ZNF678: variants seen among roughly 807,000 people sequenced by gnomAD.
ZNF678 encodes the protein hypothetical protein MGC42493.
In ZNF678, 5 loss-of-function variants were observed where a neutral mutation model predicts 3.0. That is an observed-to-expected ratio of 1.69 (90% CI 0.88 to 3.56). The LOEUF (loss-of-function observed/expected upper bound fraction) is 3.56. ZNF678 is among the 30% of genes most tolerant of loss of function. The pLI, the probability that ZNF678 is intolerant of heterozygous loss-of-function variation, is 0.00. For synonymous variants in ZNF678, 218 were observed against 199.6 expected (o/e 1.09, Z -0.78); for missense variants, 593 against 605.0 (o/e 0.98, Z 0.21).
chr1:227,619,810 A>G (rs1367090379), intron 1 of ZNF678, among the ~76,000 whole-genome samples: 1 of 152,212 alleles, frequency 6.6e-6, no homozygotes, highest in Non-Finnish European at 1.5e-5. Context: ...TTTTGCAATC[A>G]GACCTTGGTG....
chr1:227,624,309 C>A (rs953417094), intron 1 of ZNF678, among the ~76,000 whole-genome samples: 8 of 152,178 alleles, frequency 5.3e-5, no homozygotes, highest in Non-Finnish European at 1.5e-5. Flanking sequence ...CTGATGATCC[C>A]TCCACAAAGA....
At chr1:227,625,803 C>G (rs1658397986) in intron 1 of ZNF678, among the ~76,000 whole-genome samples, 1 of 152,114 alleles carries the variant, frequency 6.6e-6, no homozygotes, top group Non-Finnish European at 1.5e-5. Flanking sequence ...CTTGCCTGAT[C>G]TTGAACTCCA....
rs1659252090 is a variant in ZNF678, at chr1:227,656,438, ATAT to A, written c.*612_*614del. On this transcript the variant is annotated 3_prime_UTR_variant, in exon 4 of 4. Coordinates refer to ENST00000343776, the MANE Select transcript of ZNF678 (RefSeq NM_001367909.1). ...TTTATATTTTTGATTATATATTTTA[ATAT>A]TGATATAATTCATATCTCAAATAAC... is the stretch of plus-strand genomic sequence containing the variant. 6.6e-6 allele frequency: 1 copy of A among 151,786 alleles called. No individual in the cohort carries two copies. The highest frequency in any genetic ancestry group is 2.4e-5 in the African/African-American group (1 of 41,400). 9.4% of individuals were successfully genotyped at this position (151,786 alleles called of 1,614,324 possible). A position where few individuals can be genotyped will look rare whatever the true frequency, so the allele number is the denominator to read the frequency against.
At chr1:227,643,250 G>A (rs939637945) in intron 1 of ZNF678, among the ~76,000 whole-genome samples, 3 of 152,010 alleles carry the variant, frequency 2.0e-5, no homozygotes, top group Admixed American at 6.6e-5. Context: ...ACCTTCTTAG[G>A]AATAAAATAT....
chr1:227,653,295 C>T (rs1342033825), intron 3 of ZNF678, among the ~76,000 whole-genome samples: 2 of 151,460 alleles, frequency 1.3e-5, no homozygotes, highest in African/African-American at 4.9e-5. Flanking sequence ...ATAAACATTT[C>T]TGTTATTTTC....
chr1:227,666,571 T>G (rs1285148499), downstream of ZNF678, among the ~76,000 whole-genome samples: 1 of 152,118 alleles, frequency 6.6e-6, no homozygotes, highest in Admixed American at 6.5e-5. Flanking sequence ...AGTATTTTTC[T>G]AAGTTTCTTA....
At chr1:227,599,639 T>G (rs4653857) in intron 1 of ZNF678, among the ~76,000 whole-genome samples, 4 of 152,170 alleles carry the variant, frequency 2.6e-5, no homozygotes, top group African/African-American at 9.7e-5. Context: ...TATGCCATAG[T>G]AGTTGCTATT....
At chr1:227,585,072 G>A (rs1000947591) in intron 1 of ZNF678, among the ~76,000 whole-genome samples, 1 of 152,172 alleles carries the variant, frequency 6.6e-6, no homozygotes, top group African/African-American at 2.4e-5. Context: ...GCTTGATAAA[G>A]AAGAGACAAA....
chr1:227,579,256 A>C (rs1244712616), intron 1 of ZNF678, among the ~76,000 whole-genome samples: 1 of 151,898 alleles, frequency 6.6e-6, no homozygotes, highest in East Asian at 1.9e-4. Context: ...CCTGTTGCAG[A>C]GTGTGTGTGC....
intron 5 of ZNF678, among the ~76,000 whole-genome samples, chr1:227,669,664 C>T (rs1411813831): frequency 6.7e-6 from 1 of 149,076 alleles, no homozygotes; most frequent in Non-Finnish European, 1.5e-5. Flanking sequence ...AAAAAAATAC[C>T]ATCTCCCACC....
chr1:227,620,352 T>TA (rs1439960626), intron 1 of ZNF678, among the ~76,000 whole-genome samples: 1 of 152,188 alleles, frequency 6.6e-6, no homozygotes, highest in Non-Finnish European at 1.5e-5. Context: ...ATATTCCACT[T>TA]ACATTGTGCT....
At chr1:227,565,532 A>ATT (rs145669668) in intron 1 of ZNF678, among the ~76,000 whole-genome samples, 2 of 105,562 alleles carry the variant, frequency 1.9e-5, no homozygotes, top group African/African-American at 5.7e-5. Context: ...AATTCTTTTT[A>ATT]TTTTATTTTT....
At chr1:227,628,634 C>G (rs1340760426) in intron 1 of ZNF678, among the ~76,000 whole-genome samples, 8 of 152,234 alleles carry the variant, frequency 5.3e-5, no homozygotes, top group African/African-American at 1.9e-4. Context: ...AGTATTTAAC[C>G]TGCTGTAAGC....
Position 227,661,873 on chromosome 1 carries a change from C to T in ZNF678, c.*6045C>T, listed in dbSNP as rs1659414650. ...GGAACCCACCAGGATCTCCCTTCTC[C>T]CTAGCCTGGTGGTCCACATCATGCA... On this transcript the variant is annotated 3_prime_UTR_variant, in exon 4 of 4. Transcript: ENST00000343776. The T allele has an allele frequency of 6.6e-6, 1 of 152,194 alleles. No homozygotes were observed. Among genetic ancestry groups the T allele is most frequent in the South Asian group, 2.1e-4 (1 of 4,830 alleles). The allele number at this position is 152,194 out of a possible 1,614,324, so 9.4% of individuals were successfully genotyped here. A position where few individuals can be genotyped will look rare whatever the true frequency, so the allele number is the denominator to read the frequency against.
intron 5 of ZNF678, among the ~76,000 whole-genome samples, chr1:227,672,671 C>G (rs867024078): frequency 2.0e-5 from 3 of 152,030 alleles, no homozygotes; most frequent in Non-Finnish European, 4.4e-5. Context: ...TTCAGCAGCT[C>G]CCCCTGACCT....
intron 1 of ZNF678, among the ~76,000 whole-genome samples, chr1:227,584,973 G>T (rs764092623): frequency 6.6e-6 from 1 of 152,214 alleles, no homozygotes; most frequent in Non-Finnish European, 1.5e-5. Context: ...TGGGCCTAGA[G>T]TAAGGTACAG....
chr1:227,614,823 G>A (rs1658104557), intron 1 of ZNF678, among the ~76,000 whole-genome samples: 2 of 152,094 alleles, frequency 1.3e-5, no homozygotes, highest in South Asian at 4.1e-4. Flanking sequence ...TACCATCTCT[G>A]TCCTGCACCC....
intron 1 of ZNF678, among the ~76,000 whole-genome samples, chr1:227,603,479 G>A (rs1657786891): frequency 6.6e-6 from 1 of 152,138 alleles, no homozygotes. Flanking sequence ...GCTGACTTGG[G>A]ACAGTGTACT....
At chr1:227,568,945 G>A (rs545049772) in intron 1 of ZNF678, among the ~76,000 whole-genome samples, 4 of 152,208 alleles carry the variant, frequency 2.6e-5, no homozygotes, top group African/African-American at 4.8e-5. Context: ...CTTTCTTAGC[G>A]AAGGGAGGCT....
Sources: allele counts gnomAD v4.1 joint callset (sites outside exome capture counted in the v4.1 genomes callset), GRCh38; gene constraint gnomAD v4.1.1; transcripts MANE v1.5; gene names NCBI Gene and HGNC (gene_info 2026-07-23, HGNC 2026-07-21).